GDF11: variants seen among roughly 807,000 people sequenced by gnomAD.
GDF11 encodes growth/differentiation factor 11.
In GDF11, 12 loss-of-function variants were observed where a neutral mutation model predicts 34.4. The observed-to-expected ratio is 0.35, with a 90% CI of 0.22 to 0.57. The LOEUF (loss-of-function observed/expected upper bound fraction) is 0.57, where lower values mean the gene tolerates loss of function less well. Among genes scored for constraint, GDF11 ranks in the 20% least tolerant of loss-of-function variants. GDF11 has a pLI of 0.86. For synonymous variants in GDF11, 212 were observed against 231.1 expected (o/e 0.92, Z 0.75); for missense variants, 346 against 548.2 (o/e 0.63, Z 3.68).
In GDF11 at chr12:55,749,684, C is replaced by T. The variant is rs200313464; in HGVS notation, c.1026C>T (p.Ser342=). 5.0e-6 allele frequency: 8 copies of T among 1,614,168 alleles called. No homozygotes were observed. Among genetic ancestry groups the T allele is most frequent in the Admixed American group, 1.7e-5 (1 of 60,020 alleles). ...AGCGCTACAAGGCCAACTACTGCTC[C>T]GGCCAGTGCGAGTACATGTTCATGC... ...APKRYKANYC[S]GQCEYMFMQK... The change falls in exon 3 of 3, where the codon TCC becomes TCT. Residue 342 remains serine (S), a synonymous_variant. Transcript: ENST00000257868. The surrounding 1 kb of genome is among the most constrained non-coding windows in gnomAD (Gnocchi z 5.6).
In GDF11 at chr12:55,743,610, G is replaced by T; in HGVS notation, c.294G>T (p.Glu98Asp). The T allele has an allele frequency of 6.2e-7, 1 of 1,605,376 alleles. No homozygotes were observed. Among genetic ancestry groups the T allele is most frequent in the Non-Finnish European group, 8.5e-7 (1 of 1,179,816 alleles). ...AGGAGGCGCCCAACATCAGCCGCGA[G>T]GTGGTGAAGCAGCTGCTGCCCAAGG... ...RLKEAPNISR[E>D]VVKQLLPKAP... Residue 98 changes from glutamate to aspartate, a missense_variant, in exon 1 of 3, where the codon GAG becomes GAT. Coordinates refer to ENST00000257868, the MANE Select transcript of GDF11 (RefSeq NM_005811.5).
rs1291985654 is a variant in GDF11, at chr12:55,751,664, G to A, written c.*1782G>A. The A allele has an allele frequency of 6.6e-6, 1 of 152,178 alleles. No individual in the cohort carries two copies. The highest frequency in any genetic ancestry group is 2.4e-5 in the African/African-American group (1 of 41,428). The allele number at this position is 152,178 out of a possible 1,614,324, so 9.4% of individuals were successfully genotyped here. A position where few individuals can be genotyped will look rare whatever the true frequency, so the allele number is the denominator to read the frequency against. ...GACAGTGCCTAGAAGCCAAGGAGTT[G>A]AGAATCTCCTGATCCACACCCTATC... On this transcript the variant is annotated 3_prime_UTR_variant, in exon 3 of 3. Coordinates refer to ENST00000257868, the MANE Select transcript of GDF11 (RefSeq NM_005811.5).
In GDF11 at chr12:55,744,678, T is replaced by C. The variant is rs563116051; in HGVS notation, c.445+917T>C. On this transcript the variant is annotated intron_variant, in intron 1 of 2. Transcript: ENST00000257868. ...CCAGCTCTCCTTAGGGTCAGGTGACTCCTTCTCCTCCCCCACTGAGGTCTC... is the reference window on the plus strand; with the variant it reads ...CCAGCTCTCCTTAGGGTCAGGTGACCCCTTCTCCTCCCCCACTGAGGTCTC... 5.4e-5 allele frequency among the ~76,000 whole-genome samples: 8 copies of C among 148,204 alleles called. No individual in the cohort carries two copies. In the South Asian group the frequency reaches 1.5e-3, roughly 29 times the overall value.
At position 55,747,795 on chromosome 12, in the gene GDF11, C is replaced by T. The variant is rs950968067; in HGVS notation, c.446-791C>T. Among the ~76,000 whole-genome samples, 3 of 152,174 alleles carry T rather than the reference C, an allele frequency of 2.0e-5. No homozygotes were observed. The East Asian group carries it at 5.8e-4, about 29-fold the overall frequency. ...AAGGAAGCTCAGGGGAGAAAAAAGG[C>T]ATTGTAGTTAATCTGGTGTATTTAA... On this transcript the variant is annotated intron_variant, in intron 1 of 2. Coordinates refer to ENST00000257868, the MANE Select transcript of GDF11 (RefSeq NM_005811.5).
chr12:55,748,966 C>T lies in GDF11; in HGVS notation c.826C>T (p.Pro276Ser). 6.3e-7 allele frequency: 1 copy of T among 1,598,694 alleles called. No individual in the cohort carries two copies. The highest frequency in any genetic ancestry group is 8.5e-7 in the Non-Finnish European group (1 of 1,179,066). Residue 276 changes from proline (P) to serine (S), a missense_variant, in exon 2 of 3, where the codon CCG becomes TCG. Around this residue, in one of 3 missense-constraint regions of GDF11, gnomAD observed 205 missense variants for 311.3 expected, o/e 0.66. Transcript: ENST00000257868. The surrounding 1 kb of genome is among the most constrained non-coding windows in gnomAD (Gnocchi z 5.6). Reference protein sequence around the residue: ...GTDLAVTSLGPGAEGLHPFME... With the variant: ...GTDLAVTSLGSGAEGLHPFME... ...AGACCTGGCTGTCACCTCCCTGGGG[C>T]CGGGAGCCGAGGGGCTGGTGAGCAG...
intron 1 of GDF11, among the ~76,000 whole-genome samples, chr12:55,747,644 T>C (rs1170443690): frequency 6.6e-6 from 1 of 152,180 alleles, no homozygotes; most frequent in African/African-American, 2.4e-5. Flanking sequence ...CAGATATTTA[T>C]TGAGAATCAT....
Position 55,743,316 on chromosome 12 carries a change from C to A in GDF11, c.-1C>A. ...CAGTCCTCCCTCCCCTCCCCTCCAG[C>A]ATGGTGCTCGCGGCCCCGCTGCTGC... On this transcript the variant is annotated 5_prime_UTR_variant, in exon 1 of 3. Coordinates refer to ENST00000257868, the MANE Select transcript of GDF11 (RefSeq NM_005811.5). 1 of 985,448 alleles carries A rather than the reference C, an allele frequency of 1.0e-6. No individual in the cohort carries two copies. The highest frequency in any genetic ancestry group is 1.2e-6 in the Non-Finnish European group (1 of 830,954). 61.0% of individuals were successfully genotyped at this position (985,448 alleles called of 1,614,324 possible). A position where few individuals can be genotyped will look rare whatever the true frequency, so the allele number is the denominator to read the frequency against.
intron 1 of GDF11, among the ~76,000 whole-genome samples, chr12:55,747,965 T>C (rs1414088763): frequency 6.6e-5 from 10 of 152,200 alleles, no homozygotes; most frequent in Admixed American, 6.5e-4. Context: ...GACAGATGTA[T>C]AGGAAGTGCT....
intron 1 of GDF11, among the ~76,000 whole-genome samples, chr12:55,746,540 T>C (rs1034755074): frequency 5.3e-5 from 8 of 152,228 alleles, no homozygotes; most frequent in Non-Finnish European, 1.5e-5. Context: ...CCCTATGTTC[T>C]ACCTCCTTGT....
chr12:55,750,043 T>C lies in GDF11; in HGVS notation c.*161T>C. The C allele has an allele frequency of 3.0e-6, 2 of 666,150 alleles. No homozygotes were observed. The highest frequency in any genetic ancestry group is 2.0e-5 in the South Asian group (1 of 49,696). The allele number at this position is 666,150 out of a possible 1,614,324, so 41.3% of individuals were successfully genotyped here. On this transcript the variant is annotated 3_prime_UTR_variant, in exon 3 of 3. Coordinates refer to ENST00000257868, the MANE Select transcript of GDF11 (RefSeq NM_005811.5). ...TACAACAGAGGGAGGCAGGTGGGAA[T>C]TGAGGGTGAGGGGTTTGGGGGAAAG...
At position 55,749,431 on chromosome 12, in the gene GDF11, T is replaced by G; in HGVS notation, c.844-71T>G. The G allele has an allele frequency of 6.8e-7, 1 of 1,476,386 alleles. No individual in the cohort carries two copies. The highest frequency in any genetic ancestry group is 9.1e-7 in the Non-Finnish European group (1 of 1,096,522). 91.5% of individuals were successfully genotyped at this position (1,476,386 alleles called of 1,614,324 possible). On this transcript the variant is annotated intron_variant, in intron 2 of 2. Transcript: ENST00000257868. This position sits in a 1 kb window ranked among gnomAD's most constrained non-coding sequence, Gnocchi z 5.6. ...TCTCTATTCTGATGCCCCTGGCAGG[T>G]GGGAAAGGAACAGGGAAGAGGAACT... is the stretch of plus-strand genomic sequence containing the variant.
chr12:55,744,078 T>C (rs970982483), intron 1 of GDF11, among the ~76,000 whole-genome samples: 10 of 152,162 alleles, frequency 6.6e-5, no homozygotes, highest in African/African-American at 1.9e-4. Flanking sequence ...GCAGTGACTC[T>C]GTCCTGAAAA....
rs1384138405 is a variant in GDF11, at chr12:55,753,482, A to G, written c.*3600A>G. On this transcript the variant is annotated 3_prime_UTR_variant, in exon 3 of 3. Transcript: ENST00000257868. ...TGACTCACATTTTTCAAAAATAAGGAAAGCTGGCTGGGCGCAGTGGCTTAC... is the reference window on the plus strand; with the variant it reads ...TGACTCACATTTTTCAAAAATAAGGGAAGCTGGCTGGGCGCAGTGGCTTAC... 6.6e-6 allele frequency: 1 copy of G among 152,174 alleles called. No individual in the cohort carries two copies. Among genetic ancestry groups the G allele is most frequent in the African/African-American group, 2.4e-5 (1 of 41,432 alleles). 9.4% of individuals were successfully genotyped at this position (152,174 alleles called of 1,614,324 possible).
rs1056426305 is a variant in GDF11, at chr12:55,754,412, A to G, written c.*4530A>G. 6.6e-6 allele frequency: 1 copy of G among 152,240 alleles called. No homozygotes were observed. The highest frequency in any genetic ancestry group is 2.4e-5 in the African/African-American group (1 of 41,460). The allele number at this position is 152,240 out of a possible 1,614,324, so 9.4% of individuals were successfully genotyped here. On this transcript the variant is annotated 3_prime_UTR_variant, in exon 3 of 3. Transcript: ENST00000257868. ...GGCCCCAAGCTAAGAATCAGCAGGCAGTGGCATCTACAGCTTCTGGTCTGT... is the reference window on the plus strand; with the variant it reads ...GGCCCCAAGCTAAGAATCAGCAGGCGGTGGCATCTACAGCTTCTGGTCTGT...
rs1263008669 is a variant in GDF11 at position 55,754,479 on chromosome 12, T to C, written c.*4597T>C. The C allele has an allele frequency of 6.6e-6, 1 of 152,178 alleles. No homozygotes were observed. Among genetic ancestry groups the C allele is most frequent in the Admixed American group, 6.5e-5 (1 of 15,284 alleles). 9.4% of individuals were successfully genotyped at this position (152,178 alleles called of 1,614,324 possible). ...GAAAATCAATGCTCCAAAGCAACAATGTCCAGCTTTCCTGCCAGTGAGCTG... is the reference window on the plus strand; with the variant it reads ...GAAAATCAATGCTCCAAAGCAACAACGTCCAGCTTTCCTGCCAGTGAGCTG... On this transcript the variant is annotated 3_prime_UTR_variant, in exon 3 of 3. Coordinates refer to ENST00000257868, the MANE Select transcript of GDF11 (RefSeq NM_005811.5).
chr12:55,748,975 G>A lies in GDF11; in HGVS notation c.835G>A (p.Glu279Lys), dbSNP rs377322165. Reference sequence around the variant, plus strand: ...TGTCACCTCCCTGGGGCCGGGAGCCGAGGGGCTGGTGAGCAGGGGGCCTGA... The same window carrying A: ...TGTCACCTCCCTGGGGCCGGGAGCCAAGGGGCTGGTGAGCAGGGGGCCTGA... ...LAVTSLGPGA[E>K]GLHPFMELRV... Residue 279 changes from glutamate to lysine, a missense_variant, in exon 2 of 3, where the codon GAG (glutamate) becomes AAG (lysine). Glu to Lys is a moderately conservative substitution (Grantham distance 56, BLOSUM62 1). Coordinates refer to ENST00000257868, the MANE Select transcript of GDF11 (RefSeq NM_005811.5). This position sits in a 1 kb window ranked among gnomAD's most constrained non-coding sequence, Gnocchi z 5.6. The A allele has an allele frequency of 8.1e-5, 130 of 1,596,784 alleles. No individual in the cohort carries two copies. The highest frequency in any genetic ancestry group is 1.6e-4 in the Middle Eastern group (1 of 6,076).
intron 1 of GDF11, among the ~76,000 whole-genome samples, chr12:55,744,149 T>A (rs759097384): frequency 6.6e-6 from 1 of 152,222 alleles, no homozygotes; most frequent in African/African-American, 2.4e-5. Context: ...CAGCCCCAGC[T>A]GGACTGCAGT....
intron 1 of GDF11, among the ~76,000 whole-genome samples, chr12:55,747,221 T>C (rs1878204677): frequency 6.6e-6 from 1 of 151,758 alleles, no homozygotes; most frequent in Admixed American, 6.6e-5. Context: ...CATTGCACCA[T>C]CACTGAAGCT....
chr12:55,745,417 A>G (rs1276328499), intron 1 of GDF11, among the ~76,000 whole-genome samples: 1 of 152,006 alleles, frequency 6.6e-6, no homozygotes, highest in Non-Finnish European at 1.5e-5. Flanking sequence ...TGGGCTGTGC[A>G]GGTGAGGCCT....
Sources: allele counts gnomAD v4.1 joint callset (sites outside exome capture counted in the v4.1 genomes callset), GRCh38; gene constraint gnomAD v4.1.1; regional missense constraint gnomAD v4.1.1; non-coding constraint Gnocchi (gnomAD v3.1); transcripts MANE v1.5; gene names NCBI Gene and HGNC (gene_info 2026-07-23, HGNC 2026-07-21).